The following DGKB variants were observed in gnomAD, a reference collection of about 807,000 sequenced individuals.
DGKB encodes 90 kDa diacylglycerol kinase.
DGKB carries 67 observed loss-of-function variants against 114.3 expected under a neutral mutation model. The observed-to-expected ratio is 0.59, with a 90% CI of 0.48 to 0.72. The LOEUF is 0.72. Among genes scored for constraint, DGKB ranks in the 30% least tolerant of loss-of-function variants. The pLI, the probability that DGKB is intolerant of heterozygous loss-of-function variation, is 0.00. For missense variants in DGKB, 907 were observed against 975.2 expected (o/e 0.93, Z 0.93); for synonymous variants, 398 against 323.1 (o/e 1.23, Z -2.49).
At chr7:14,618,771 A>T (rs1387733386) in intron 15 of DGKB, among the ~76,000 whole-genome samples, 3 of 151,558 alleles carry the variant, frequency 2.0e-5, no homozygotes, top group Non-Finnish European at 3.0e-5. Flanking sequence ...GCTGGAAAGA[A>T]ATAAGATGAA....
At chr7:14,770,833 T>TG (rs1229580825) in intron 2 of DGKB, among the ~76,000 whole-genome samples, 3 of 152,114 alleles carry the variant, frequency 2.0e-5, no homozygotes, top group African/African-American at 7.2e-5. Flanking sequence ...CTGACTGAGT[T>TG]GTTAATTTAA....
intron 21 of DGKB, among the ~76,000 whole-genome samples, chr7:14,377,337 T>C (rs539712834): frequency 1.3e-5 from 2 of 152,328 alleles, no homozygotes; most frequent in East Asian, 3.9e-4. Context: ...CAATGTCATA[T>C]CTATTATAAT....
At chr7:14,332,735 C>T (rs1585179432) in intron 23 of DGKB, among the ~76,000 whole-genome samples, 1 of 152,176 alleles carries the variant, frequency 6.6e-6, no homozygotes, top group Admixed American at 6.5e-5. Flanking sequence ...ACTAACCCAT[C>T]TCATTTTCCA....
At chr7:14,399,967 T>C (rs560643441) in intron 21 of DGKB, among the ~76,000 whole-genome samples, 37 of 152,010 alleles carry the variant, frequency 2.4e-4, no homozygotes, top group African/African-American at 8.2e-4. Context: ...AAAAACACCA[T>C]AAATTTTGAC....
intron 1 of DGKB, among the ~76,000 whole-genome samples, chr7:14,939,269 A>C (rs945984453): frequency 1.3e-5 from 2 of 152,220 alleles, no homozygotes; most frequent in African/African-American, 4.8e-5. Flanking sequence ...TACAGAATTT[A>C]TCTCGTGCCC....
At chr7:14,685,422 G>C (rs2128976055) in intron 9 of DGKB, 60 bp from the exon 10 acceptor site, 2 of 1,263,990 alleles carry the variant, frequency 1.6e-6, no homozygotes, top group Non-Finnish European at 2.3e-6. Flanking sequence ...AAAGATGTAA[G>C]TGCCAATGAA....
At chr7:14,874,817 T>TA (rs957035277) in intron 1 of DGKB, among the ~76,000 whole-genome samples, 1 of 152,136 alleles carries the variant, frequency 6.6e-6, no homozygotes, top group African/African-American at 2.4e-5. Context: ...TATTAGTAGA[T>TA]ACAATATAAA....
intron 1 of DGKB, among the ~76,000 whole-genome samples, chr7:14,967,652 T>TAAAA (rs35965873): frequency 5.9e-5 from 6 of 101,004 alleles, no homozygotes; most frequent in Admixed American, 1.2e-4. Context: ...TGTGATTTAT[T>TAAAA]AAAAAAAAAA....
At chr7:14,899,167 G>A (rs953703999) in intron 1 of DGKB, among the ~76,000 whole-genome samples, 1 of 152,076 alleles carries the variant, frequency 6.6e-6, no homozygotes, top group Non-Finnish European at 1.5e-5. Context: ...GAACCATTTT[G>A]TTTTTATCCT....
chr7:14,962,390 C>T (rs866902773), intron 1 of DGKB, among the ~76,000 whole-genome samples: 6 of 152,074 alleles, frequency 3.9e-5, no homozygotes, highest in Admixed American at 6.6e-5. Context: ...CATTGTGTTG[C>T]CTTTTTTAAA....
At chr7:14,479,364 G>C (rs758839629) in intron 20 of DGKB, among the ~76,000 whole-genome samples, 12 of 152,128 alleles carry the variant, frequency 7.9e-5, no homozygotes, top group Non-Finnish European at 1.6e-4. Context: ...GCAGATGGCA[G>C]AGAGTTGCAG....
intron 1 of DGKB, among the ~76,000 whole-genome samples, chr7:14,922,087 T>C (rs180694571): frequency 9.5e-4 from 145 of 152,242 alleles, no homozygotes; most frequent in African/African-American, 3.4e-3. Flanking sequence ...CTTAATGTTA[T>C]GCAACATGCT....
chr7:14,311,873 G>C (rs1434903345), intron 23 of DGKB, among the ~76,000 whole-genome samples: 1 of 152,158 alleles, frequency 6.6e-6, no homozygotes, highest in Non-Finnish European at 1.5e-5. Context: ...AGGCGGGGGA[G>C]GTGGTCTCTG....
intron 4 of DGKB, among the ~76,000 whole-genome samples, chr7:14,752,416 A>G (rs1229096473): frequency 6.6e-6 from 1 of 152,176 alleles, no homozygotes; most frequent in Non-Finnish European, 1.5e-5. Context: ...GTGCGAAAAT[A>G]AAGCAAGCCC....
At chr7:14,664,428 AAC>A (rs779783809) in intron 13 of DGKB, among the ~76,000 whole-genome samples, 1 of 151,982 alleles carries the variant, frequency 6.6e-6, no homozygotes, top group Non-Finnish European at 1.5e-5. Flanking sequence ...GTCTTTCTAC[AAC>A]ACAAAGTTAA....
intron 9 of DGKB, among the ~76,000 whole-genome samples, chr7:14,688,862 C>G (rs1463205468): frequency 3.7e-5 from 2 of 54,660 alleles, no homozygotes; most frequent in Non-Finnish European, 6.9e-5. Flanking sequence ...TTTAGTTTTT[C>G]CATAAATAAA....
In DGKB at chr7:14,546,555, C is replaced by T. The variant is rs182931463; in HGVS notation, c.1770+27657G>A. On this transcript the variant is annotated intron_variant, in intron 20 of 25. Coordinates refer to ENST00000402815, the MANE Select transcript of DGKB (RefSeq NM_001350709.2). ...CAACTACTGCATTTTAAACATCCCC[C>T]TAGGTTTTTCTGGTGGAACTGGAAG... Among the ~76,000 whole-genome samples, 10 of 152,266 alleles carry T rather than the reference C, an allele frequency of 6.6e-5. No homozygotes were observed. In the East Asian group the frequency reaches 1.7e-3, roughly 26 times the overall value.
At chr7:14,607,939 T>C (rs1804826812) in intron 16 of DGKB, among the ~76,000 whole-genome samples, 1 of 151,930 alleles carries the variant, frequency 6.6e-6, no homozygotes, top group East Asian at 1.9e-4. Flanking sequence ...GATCTGAAAA[T>C]TATCTATCCC....
intron 2 of DGKB, among the ~76,000 whole-genome samples, chr7:14,769,702 A>G (rs573352810): frequency 5.3e-5 from 8 of 152,028 alleles, no homozygotes; most frequent in African/African-American, 9.7e-5. Context: ...AGGTGTCAGC[A>G]GGGTTGTTTT....
Sources: allele counts gnomAD v4.1 joint callset (sites outside exome capture counted in the v4.1 genomes callset), GRCh38; gene constraint gnomAD v4.1.1; transcripts MANE v1.5; gene names NCBI Gene and HGNC (gene_info 2026-07-23, HGNC 2026-07-21).